The following STAG1 variants were observed in gnomAD, a reference collection of about 807,000 sequenced individuals.
STAG1 encodes the protein cohesin subunit SA-1.
Under a neutral mutation model 170.9 loss-of-function variants are expected in STAG1, and 26 were observed. The ratio of observed to expected loss-of-function variants is 0.15; its 90% CI spans 0.11 to 0.21. STAG1 has a LOEUF of 0.21. Ranked by LOEUF, STAG1 falls within the 10% of genes least tolerant of loss-of-function variation. The pLI is 1.00. For synonymous variants in STAG1, 514 were observed against 497.7 expected, an observed-to-expected ratio of 1.03 and a Z score of -0.44; for missense variants, 964 against 1,509.5, an observed-to-expected ratio of 0.64 and a Z score of 5.99.
intron 1 of STAG1, among the ~76,000 whole-genome samples, chr3:136,685,995 TGA>T (rs1375031169): frequency 2.0e-5 from 3 of 152,204 alleles, no homozygotes; most frequent in South Asian, 2.1e-4. Context: ...TTGGTGCTAG[TGA>T]GAGTTCTCAA....
At chr3:136,735,722 C>T (rs1337320971) in intron 1 of STAG1, among the ~76,000 whole-genome samples, 1 of 152,174 alleles carries the variant, frequency 6.6e-6, no homozygotes, top group Non-Finnish European at 1.5e-5. Context: ...AAGCGATTCC[C>T]CTGCCTCAGC....
intron 5 of STAG1, among the ~76,000 whole-genome samples, chr3:136,554,020 G>C (rs1936513351): frequency 1.3e-5 from 2 of 151,182 alleles, no homozygotes; most frequent in Admixed American, 1.3e-4. Context: ...GCATCTAAAA[G>C]ATACTGGAAC....
chr3:136,635,116 G>A (rs531863501), intron 1 of STAG1, among the ~76,000 whole-genome samples: 4 of 152,210 alleles, frequency 2.6e-5, no homozygotes, highest in South Asian at 2.1e-4. Context: ...AACTACTTTC[G>A]AATTCATTCT....
At chr3:136,367,787 AT>A (rs1283497198) in intron 24 of STAG1, among the ~76,000 whole-genome samples, 5 of 152,160 alleles carry the variant, frequency 3.3e-5, no homozygotes, top group African/African-American at 1.2e-4. Flanking sequence ...TTATGCACAT[AT>A]AAAAAATTTT....
chr3:136,554,729 A>G (rs1403912194), intron 5 of STAG1, among the ~76,000 whole-genome samples: 3 of 151,960 alleles, frequency 2.0e-5, no homozygotes, highest in African/African-American at 7.2e-5. Flanking sequence ...CTTGTCTCTA[A>G]AAAAGAAAAA....
rs545224928 is a variant in STAG1, at chr3:136,670,364, C to T, written c.-83-39383G>A. 9.2e-5 allele frequency among the ~76,000 whole-genome samples: 14 copies of T among 152,304 alleles called. No homozygotes were observed. In the South Asian group the frequency reaches 2.9e-3, roughly 32 times the overall value. On this transcript the variant is annotated intron_variant, in intron 1 of 33. Coordinates refer to ENST00000383202, the MANE Select transcript of STAG1 (RefSeq NM_005862.3). Reference sequence around the variant, plus strand: ...CTACACTGGTAGAGCTCCTGTAGAACTCATGCATTTCCAACAAGACCCTAA... The same window carrying T: ...CTACACTGGTAGAGCTCCTGTAGAATTCATGCATTTCCAACAAGACCCTAA...
intron 1 of STAG1, among the ~76,000 whole-genome samples, chr3:136,667,306 G>A (rs763134640): frequency 6.6e-6 from 1 of 152,092 alleles, no homozygotes. Context: ...CCAGCATTCT[G>A]GGTGGCAGAG....
At chr3:136,349,406 T>C in intron 28 of STAG1, 43 bp from the exon 29 acceptor site, 1 of 1,450,698 alleles carries the variant, frequency 6.9e-7, no homozygotes, top group Non-Finnish European at 9.7e-7. Flanking sequence ...AGAGAAGCAG[T>C]TCATACATCA....
At chr3:136,553,571 C>G (rs993498855) in intron 5 of STAG1, among the ~76,000 whole-genome samples, 1 of 152,040 alleles carries the variant, frequency 6.6e-6, no homozygotes, top group Non-Finnish European at 1.5e-5. Flanking sequence ...GTCAAGAGAT[C>G]AAGACCATCC....
intron 16 of STAG1, among the ~76,000 whole-genome samples, chr3:136,429,747 T>C (rs2088238730): frequency 6.6e-6 from 1 of 152,298 alleles, no homozygotes; most frequent in East Asian, 1.9e-4. Flanking sequence ...TCTCTTCTGC[T>C]TCTGCCACTG....
chr3:136,373,861 T>C (rs1171777045), intron 23 of STAG1, among the ~76,000 whole-genome samples: 1 of 152,208 alleles, frequency 6.6e-6, no homozygotes. Context: ...TTATTAGGTC[T>C]GCTTGGTGCA....
chr3:136,677,993 C>T (rs1383008491), intron 1 of STAG1, among the ~76,000 whole-genome samples: 1 of 147,040 alleles, frequency 6.8e-6, no homozygotes, highest in Non-Finnish European at 1.5e-5. Flanking sequence ...AGCAACAATA[C>T]CTATATATGA....
chr3:136,519,669 G>C lies in STAG1; in HGVS notation c.676+1544C>G, dbSNP rs141920800. Among the ~76,000 whole-genome samples the C allele has an allele frequency of 1.2e-4, 18 of 151,890 alleles. No homozygotes were observed. In the East Asian group the frequency reaches 3.3e-3, roughly 28 times the overall value. Reference sequence around the variant, plus strand: ...AGAAAAAAAGCAACGACCAAATGCAGAGGATACTACGAAAGGTTGGCGAAT... The same window carrying C: ...AGAAAAAAAGCAACGACCAAATGCACAGGATACTACGAAAGGTTGGCGAAT... On this transcript the variant is annotated intron_variant, in intron 7 of 33. Coordinates refer to ENST00000383202, the MANE Select transcript of STAG1 (RefSeq NM_005862.3).
intron 9 of STAG1, among the ~76,000 whole-genome samples, chr3:136,480,920 C>A (rs2089888409): frequency 6.9e-6 from 1 of 144,726 alleles, no homozygotes; most frequent in South Asian, 2.3e-4. Context: ...GATTTTTGTA[C>A]ATTGATTTTG....
intron 1 of STAG1, 39 bp downstream of exon 1, chr3:136,752,156 T>G: frequency 6.6e-6 from 1 of 152,508 alleles, no homozygotes; most frequent in African/African-American, 2.4e-5. Context: ...TTCCCCCTCT[T>G]TCCCGCCCCC....
At chr3:136,547,870 T>C (rs1030926378) in intron 5 of STAG1, among the ~76,000 whole-genome samples, 1 of 152,166 alleles carries the variant, frequency 6.6e-6, no homozygotes. Context: ...AATTGTTTAA[T>C]CCATTTTGAG....
At chr3:136,414,898 G>A (rs2087729713) in intron 21 of STAG1, among the ~76,000 whole-genome samples, 1 of 152,156 alleles carries the variant, frequency 6.6e-6, no homozygotes, top group Non-Finnish European at 1.5e-5. Context: ...TTGTCTCAGG[G>A]AATAGGGAGG....
intron 4 of STAG1, among the ~76,000 whole-genome samples, chr3:136,590,163 G>A (rs1362052327): frequency 6.6e-6 from 1 of 151,058 alleles, no homozygotes; most frequent in Non-Finnish European, 1.5e-5. Flanking sequence ...CTGAGAAACA[G>A]AAGACAATTC....
chr3:136,628,850 T>C (rs558467086), intron 2 of STAG1, among the ~76,000 whole-genome samples: 32 of 152,342 alleles, frequency 2.1e-4, no homozygotes, highest in Non-Finnish European at 4.3e-4. Context: ...CAATGCTTAA[T>C]AGTAAACAGC....
Sources: allele counts gnomAD v4.1 joint callset (sites outside exome capture counted in the v4.1 genomes callset), GRCh38; gene constraint gnomAD v4.1.1; transcripts MANE v1.5; gene names NCBI Gene and HGNC (gene_info 2026-07-23, HGNC 2026-07-21).